Variants in OXNAD1 observed in about 807,000 individuals in gnomAD.
OXNAD1 encodes oxidoreductase NAD binding domain containing 1, also known as oxidoreductase NAD-binding domain-containing protein 1.
A neutral mutation model predicts 32.9 loss-of-function variants in OXNAD1; 34 were observed. The ratio of observed to expected loss-of-function variants is 1.03; its 90% CI spans 0.79 to 1.38. The LOEUF (loss-of-function observed/expected upper bound fraction) is 1.38. OXNAD1 is among the 40% of genes most tolerant of loss of function. The pLI, the probability that OXNAD1 is intolerant of heterozygous loss-of-function variation, is 0.00. For synonymous variants in OXNAD1, 134 were observed against 135.2 expected, an observed-to-expected ratio of 0.99 and a Z score of 0.06; for missense variants, 407 against 379.4, an observed-to-expected ratio of 1.07 and a Z score of -0.60.
intron 9 of OXNAD1, among the ~76,000 whole-genome samples, chr3:16,331,917 C>A (rs147864945): frequency 7.9e-4 from 120 of 152,312 alleles, no homozygotes; most frequent in African/African-American, 2.6e-3. Context: ...ATTGATTTAT[C>A]CGTCAAAATT....
downstream of OXNAD1, among the ~76,000 whole-genome samples, chr3:16,351,892 C>A (rs576972861): frequency 6.6e-6 from 1 of 151,884 alleles, no homozygotes; most frequent in Non-Finnish European, 1.5e-5. The surrounding 1 kb of genome is among the most constrained non-coding windows in gnomAD (Gnocchi z 5.4). Flanking sequence ...AAAAAAAAAT[C>A]ATGAAAACAT....
intron 4 of OXNAD1, among the ~76,000 whole-genome samples, chr3:16,272,863 G>T (rs188349965): frequency 3.9e-5 from 6 of 151,948 alleles, no homozygotes; most frequent in Admixed American, 2.6e-4. Flanking sequence ...AAAAAAAAGT[G>T]ATTTATCTTA....
At chr3:16,351,299 C>T (rs934855791), downstream of OXNAD1, among the ~76,000 whole-genome samples, 2 of 152,164 alleles carry the variant, frequency 1.3e-5, no homozygotes, top group African/African-American at 4.8e-5. The surrounding 1 kb of genome is among the most constrained non-coding windows in gnomAD (Gnocchi z 5.4). Flanking sequence ...TGAGACCAGT[C>T]AGGAGCCTCC....
At chr3:16,307,438 G>A (rs2067640221), downstream of OXNAD1, among the ~76,000 whole-genome samples, 1 of 152,162 alleles carries the variant, frequency 6.6e-6, no homozygotes, top group Admixed American at 6.5e-5. Context: ...GGATGGATTG[G>A]CTAGCTGTGT....
rs1313753547 is a variant in OXNAD1, at chr3:16,288,966, A to G, written c.290+2518A>G. Among the ~76,000 whole-genome samples, 1 of 152,176 alleles carries G rather than the reference A, an allele frequency of 6.6e-6. No individual in the cohort carries two copies. Among genetic ancestry groups the G allele is most frequent in the Non-Finnish European group, 1.5e-5 (1 of 68,022 alleles). On this transcript the variant is annotated intron_variant, in intron 5 of 8. Transcript: ENST00000285083. The surrounding 1 kb of genome is among the most constrained non-coding windows in gnomAD (Gnocchi z 5.1). ...TGTGGGTAGCAGTGTATTGTCGCCTAGTGCCCTGGAGACTGCTCAGCTCAC... is the reference window on the plus strand; with the variant it reads ...TGTGGGTAGCAGTGTATTGTCGCCTGGTGCCCTGGAGACTGCTCAGCTCAC...
downstream of OXNAD1, among the ~76,000 whole-genome samples, chr3:16,307,055 C>A (rs535732741): frequency 6.6e-6 from 1 of 152,006 alleles, no homozygotes; most frequent in African/African-American, 2.4e-5. Flanking sequence ...TAGAACTTTC[C>A]CTCATCAGCT....
Position 16,345,830 on chromosome 3 carries a change from G to GCGCGCA in OXNAD1, c.*31-3338_*31-3333dup, listed in dbSNP as rs1160106488. ...TGTGTGTGTGTGTGCGCGCGCGCGT[G>GCGCGCA]CGCGCACGCGCACATGTGCATGTGT... On this transcript the variant is annotated intron_variant, in intron 9 of 9. Transcript: ENST00000606098. This position sits in a 1 kb window ranked among gnomAD's most constrained non-coding sequence, Gnocchi z 5.2. Among the ~76,000 whole-genome samples, 1 of 81,828 alleles carries GCGCGCA rather than the reference G, an allele frequency of 1.2e-5. No individual in the cohort carries two copies. 53.7% of individuals were successfully genotyped at this position (81,828 alleles called of 152,430 possible). A position where few individuals can be genotyped will look rare whatever the true frequency, so the allele number is the denominator to read the frequency against.
chr3:16,318,420 A>T lies in OXNAD1; in HGVS notation c.*30+14828A>T, dbSNP rs552943767. ...GAGAGGAGCCCAGGAATGCAGTTGCACCATCAGTGGGAAATGATTTCTTAA... is the reference window on the plus strand; with the variant it reads ...GAGAGGAGCCCAGGAATGCAGTTGCTCCATCAGTGGGAAATGATTTCTTAA... On this transcript the variant is annotated intron_variant, in intron 9 of 9. Transcript: ENST00000435829. Among the ~76,000 whole-genome samples, 92 of 152,306 alleles carry T rather than the reference A, an allele frequency of 6.0e-4. 1 individual carries two copies. In the South Asian group the frequency reaches 0.018, roughly 30 times the overall value.
intron 2 of OXNAD1, 151 bp from the exon 3 acceptor site, chr3:16,270,794 T>C: frequency 9.2e-7 from 1 of 1,090,934 alleles, no homozygotes; most frequent in Non-Finnish European, 1.3e-6. Flanking sequence ...TTTGTCAAGG[T>C]GAAGTTAGGC....
intron 4 of OXNAD1, among the ~76,000 whole-genome samples, chr3:16,273,444 G>A (rs557144848): frequency 8.1e-4 from 119 of 146,572 alleles, no homozygotes; most frequent in Middle Eastern, 3.6e-3. Flanking sequence ...GAGTGCAGTG[G>A]GTACAGGGGT....
chr3:16,286,649 C>T (rs764950682), intron 5 of OXNAD1, among the ~76,000 whole-genome samples: 3 of 152,202 alleles, frequency 2.0e-5, no homozygotes, highest in East Asian at 1.9e-4. Flanking sequence ...GTTTTGAGCC[C>T]GTGGCTCCCT....
intron 4 of OXNAD1, among the ~76,000 whole-genome samples, chr3:16,279,490 C>T (rs1446763046): frequency 6.6e-6 from 1 of 151,850 alleles, no homozygotes; most frequent in African/African-American, 2.4e-5. Context: ...GGCTGTTGGA[C>T]ATGTGAGATG....
Position 16,269,266 on chromosome 3 carries a change from G to A in OXNAD1, c.-18G>A. ...ACTTAATGACTCCTAAAATCTCGTG[G>A]ACTTCTAAGGTAAGTTTCAACTTCT... On this transcript the variant is annotated 5_prime_UTR_variant, in exon 2 of 9. The change creates a premature stop within an existing upstream ORF in the 5' untranslated region. Transcript: ENST00000285083. The A allele has an allele frequency of 6.5e-7, 1 of 1,535,276 alleles. No homozygotes were observed. The highest frequency in any genetic ancestry group is 8.7e-7 in the Non-Finnish European group (1 of 1,146,738).
At chr3:16,349,119 T>C (rs2071922677) in intron 9 of OXNAD1, 1 of 152,260 alleles carries the variant, frequency 6.6e-6, no homozygotes, top group Non-Finnish European at 1.5e-5. Context: ...GGGAAATGAC[T>C]TACCTGGGCA....
At position 16,289,821 on chromosome 3, in the gene OXNAD1, C is replaced by A. The variant is rs2066308838; in HGVS notation, c.290+3373C>A. 6.6e-6 allele frequency among the ~76,000 whole-genome samples: 1 copy of A among 152,252 alleles called. No homozygotes were observed. The highest frequency in any genetic ancestry group is 2.1e-4 in the South Asian group (1 of 4,834). On this transcript the variant is annotated intron_variant, in intron 5 of 8. Coordinates refer to ENST00000285083, the MANE Select transcript of OXNAD1 (RefSeq NM_138381.5). The surrounding 1 kb of genome is among the most constrained non-coding windows in gnomAD (Gnocchi z 4.9). ...TAGAATTGACTCCTCCTTCCTCTGC[C>A]TTGCCTCGCTACGCTAAGCAGATTT...
At position 16,314,810 on chromosome 3, in the gene OXNAD1, C is replaced by CT. The variant is rs1340184950; in HGVS notation, c.*30+11222dup. On this transcript the variant is annotated intron_variant, in intron 9 of 9. Coordinates refer to the OXNAD1 transcript ENST00000435829. The surrounding 1 kb of genome is among the most constrained non-coding windows in gnomAD (Gnocchi z 4.4). Reference sequence around the variant, plus strand: ...AGGCCCTCTAGCCTGGAACCGTTTGCTTTTCAAAGTTGAGTGTGGTGTTTT... The same window carrying CT: ...AGGCCCTCTAGCCTGGAACCGTTTGCTTTTTCAAAGTTGAGTGTGGTGTTTT... 2.6e-5 allele frequency: 4 copies of CT among 152,290 alleles called. No homozygotes were observed. The highest frequency in any genetic ancestry group is 9.6e-5 in the African/African-American group (4 of 41,564). The allele number at this position is 152,290 out of a possible 1,614,324, so 9.4% of individuals were successfully genotyped here. A position where few individuals can be genotyped will look rare whatever the true frequency, so the allele number is the denominator to read the frequency against.
chr3:16,277,879 C>T lies in OXNAD1; in HGVS notation c.183+6157C>T, dbSNP rs1233379895. ...GGAATGTTTGTGTTCAAGTTTTATT[C>T]ATTTTATTCTTAAGAATCAAAAGAA... On this transcript the variant is annotated intron_variant, in intron 4 of 8. Coordinates refer to ENST00000285083, the MANE Select transcript of OXNAD1 (RefSeq NM_138381.5). This position sits in a 1 kb window ranked among gnomAD's most constrained non-coding sequence, Gnocchi z 4.3. Among the ~76,000 whole-genome samples the T allele has an allele frequency of 6.6e-6, 1 of 152,162 alleles. No individual in the cohort carries two copies. Among genetic ancestry groups the T allele is most frequent in the Non-Finnish European group, 1.5e-5 (1 of 68,022 alleles).
intron 2 of OXNAD1, among the ~76,000 whole-genome samples, chr3:16,270,136 G>A (rs575776998): frequency 3.0e-4 from 45 of 152,272 alleles, no homozygotes; most frequent in African/African-American, 1.1e-3. Flanking sequence ...TACAAAAAGT[G>A]AAAATACCCA....
intron 2 of OXNAD1, among the ~76,000 whole-genome samples, chr3:16,270,704 A>G (rs145002871): frequency 6.6e-6 from 1 of 152,218 alleles, no homozygotes; most frequent in Non-Finnish European, 1.5e-5. Context: ...GAACATGAAT[A>G]TTTGATAATA....
Sources: allele counts gnomAD v4.1 joint callset (sites outside exome capture counted in the v4.1 genomes callset), GRCh38; gene constraint gnomAD v4.1.1; non-coding constraint Gnocchi (gnomAD v3.1); transcripts MANE v1.5; gene names NCBI Gene and HGNC (gene_info 2026-07-23, HGNC 2026-07-21).